The following KDR variants were observed in gnomAD, a reference collection of about 807,000 sequenced individuals.
KDR encodes the protein vascular endothelial growth factor receptor 2.
Under a neutral mutation model 160.9 loss-of-function variants are expected in KDR, and 43 were observed. That is an observed-to-expected ratio of 0.27 (90% CI 0.21 to 0.34). KDR has a LOEUF of 0.34. KDR is among the 10% of genes least tolerant of loss of function. The pLI, the probability that KDR is intolerant of heterozygous loss-of-function variation, is 1.00. For missense variants in KDR, 1,469 were observed against 1,666.4 expected, an observed-to-expected ratio of 0.88 and a Z score of 2.06; for synonymous variants, 617 against 600.1, an observed-to-expected ratio of 1.03 and a Z score of -0.41.
At position 55,125,420 on chromosome 4, in the gene KDR, C is replaced by A. The variant is rs1721008106; in HGVS notation, c.-127G>T. 7.9e-7 allele frequency: 1 copy of A among 1,259,308 alleles called. No individual in the cohort carries two copies. Among genetic ancestry groups the A allele is most frequent in the Admixed American group, 2.0e-5 (1 of 50,528 alleles). 78.0% of individuals were successfully genotyped at this position (1,259,308 alleles called of 1,614,324 possible). On this transcript the variant is annotated 5_prime_UTR_variant, in exon 1 of 30. Coordinates refer to ENST00000263923, the MANE Select transcript of KDR (RefSeq NM_002253.4). ...CCGCAGCGCAGGACAGTTGAGCGCA[C>A]AGGGCTAGGGAGCCCGGGCGCCGAC...
rs752555245 is a variant in KDR at position 55,098,687 on chromosome 4, A to T, written c.2373+10T>A. 54 of 1,601,618 alleles carry T rather than the reference A, an allele frequency of 3.4e-5. No homozygotes were observed. Among genetic ancestry groups the T allele is most frequent in the South Asian group, 2.8e-4 (25 of 90,800 alleles). On this transcript the variant is annotated intron_variant, in intron 16 of 29. Coordinates refer to ENST00000263923, the MANE Select transcript of KDR (RefSeq NM_002253.4). The stretch of plus-strand genomic sequence containing the variant: ...AATGTGCATGGGCAGAAGGGAAATT[A>T]TTTTTTTACCCGCTTAACGGTCCGT...
intron 7 of KDR, 86 bp from the exon 8 acceptor site, chr4:55,110,854 A>T (rs573857900): frequency 9.0e-7 from 1 of 1,105,500 alleles, no homozygotes; most frequent in Non-Finnish European, 1.4e-6. Context: ...AACGTCAAAG[A>T]CCTTGAGGGT....
rs1187053033 is a variant in KDR, at chr4:55,125,288, C to G, written c.6G>C (p.Gln2His). The G allele has an allele frequency of 6.2e-7, 1 of 1,612,172 alleles. No homozygotes were observed. The highest frequency in any genetic ancestry group is 2.2e-5 in the East Asian group (1 of 44,830). The change falls in exon 1 of 30, where the codon CAG (glutamine) becomes CAC (histidine). Residue 2 changes from glutamine (Q) to histidine (H), a missense_variant. By Grantham distance (24) the Gln-to-His change is conservative (BLOSUM62 0). Coordinates refer to ENST00000263923, the MANE Select transcript of KDR (RefSeq NM_002253.4). M[Q>H]SKVLLAVALW... ...GGGCGACGGCCAGCAGCACCTTGCT[C>G]TGCATCCTGCACCTCGAGCCGGGCG...
Position 55,098,203 on chromosome 4 carries a change from C to T in KDR, c.2443G>A (p.Glu815Lys). 4.3e-6 allele frequency: 7 copies of T among 1,613,926 alleles called. No homozygotes were observed. Among genetic ancestry groups the T allele is most frequent in the Non-Finnish European group, 5.9e-6 (7 of 1,179,844 alleles). Residue 815 changes from glutamate (E) to lysine (K), a missense_variant, in exon 17 of 30, where the codon GAA becomes AAA. This residue lies in a region of KDR where 118 missense variants were observed against 110.8 expected (regional missense o/e 1.06). Transcript: ENST00000263923. ...VMDPDELPLD[E>K]HCERLPYDAS... ...TCATAAGGCAGTCGTTCACAATGTT[C>T]ATCCAATGGGAGTTCATCTGGATCC...
chr4:55,110,291 C>A, intron 9 of KDR, 112 bp downstream of exon 9: 2 of 1,140,404 alleles, frequency 1.8e-6, no homozygotes, highest in Non-Finnish European at 2.6e-6. Flanking sequence ...TACGCAGGCC[C>A]AGCCATGATA....
At chr4:55,087,569 TCAC>T (rs1297078474) in intron 27 of KDR, 35 bp downstream of exon 27, 2 of 1,604,494 alleles carry the variant, frequency 1.2e-6, no homozygotes, top group South Asian at 2.2e-5. Flanking sequence ...GGCCTTGAAG[TCAC>T]CCTCCCCCGG....
At chr4:55,084,190 C>T (rs1428767197) in intron 27 of KDR, among the ~76,000 whole-genome samples, 1 of 152,156 alleles carries the variant, frequency 6.6e-6, no homozygotes, top group East Asian at 1.9e-4. Flanking sequence ...ATTTTGAGGG[C>T]AATGAAGAGC....
Position 55,097,643 on chromosome 4 carries a change from C to A in KDR, c.2614+19G>T, listed in dbSNP as rs1209296644. ...TAGATAAAACAGAAAGATAGATCAC[C>A]ACATAATTTTGCTTTTACCTTTCAA... On this transcript the variant is annotated intron_variant, in intron 18 of 29. Transcript: ENST00000263923. 5 of 1,450,194 alleles carry A rather than the reference C, an allele frequency of 3.4e-6. No homozygotes were observed. The South Asian group carries it at 5.7e-5, about 17-fold the overall frequency. The allele number at this position is 1,450,194 out of a possible 1,614,324, so 89.8% of individuals were successfully genotyped here. A position where few individuals can be genotyped will look rare whatever the true frequency, so the allele number is the denominator to read the frequency against.
At chr4:55,101,796 G>T in intron 15 of KDR, 101 bp downstream of exon 15, 1 of 1,024,806 alleles carries the variant, frequency 9.8e-7, no homozygotes, top group Non-Finnish European at 1.5e-6. Flanking sequence ...ATGGCTTCCA[G>T]CTCCATCCAT....
chr4:55,098,899 T>C, intron 15 of KDR, 96 bp from the exon 16 acceptor site: 1 of 872,808 alleles, frequency 1.1e-6, no homozygotes, highest in Non-Finnish European at 1.9e-6. Flanking sequence ...AATCCCAAGC[T>C]TACCAACTTG....
chr4:55,100,387 G>A (rs1473318738), intron 15 of KDR, among the ~76,000 whole-genome samples: 1 of 152,128 alleles, frequency 6.6e-6, no homozygotes, highest in Non-Finnish European at 1.5e-5. Flanking sequence ...TTTTCTATGT[G>A]TTTGTATATT....
Position 55,090,053 on chromosome 4 carries a change from C to T in KDR, c.3095G>A (p.Arg1032Gln), listed in dbSNP as rs1190050670. Residue 1032 changes from arginine (R) to glutamine (Q), a missense_variant, in exon 23 of 30, where the codon CGA (arginine) becomes CAA (glutamine). Arg to Gln is a conservative substitution (Grantham distance 43). Around this residue, in one of 7 missense-constraint regions of KDR, gnomAD observed 8 missense variants for 41.7 expected, o/e 0.19. Transcript: ENST00000263923. ...RKCIHRDLAA[R>Q]NILLSEKNVV... Reference sequence around the variant, plus strand: ...GTTCTTCTCCGATAAGAGGATATTTCGTGCCGCCAGGTCCCTGTGGATACA... The same window carrying T: ...GTTCTTCTCCGATAAGAGGATATTTTGTGCCGCCAGGTCCCTGTGGATACA... 6.2e-7 allele frequency: 1 copy of T among 1,614,044 alleles called. No individual in the cohort carries two copies. Among genetic ancestry groups the T allele is most frequent in the Non-Finnish European group, 8.5e-7 (1 of 1,179,944 alleles).
intron 1 of KDR, among the ~76,000 whole-genome samples, chr4:55,121,837 T>C (rs780469527): frequency 6.6e-6 from 1 of 152,198 alleles, no homozygotes; most frequent in Non-Finnish European, 1.5e-5. Context: ...CTTTTATGTA[T>C]GTGTGGAATT....
rs1317482906 is a variant in KDR at position 55,098,789 on chromosome 4, T to C, written c.2281A>G (p.Thr761Ala). ...FFIIEGAQEKTNLEIIILVGT... is the reference protein window; with the variant it reads ...FFIIEGAQEKANLEIIILVGT... Reference sequence around the variant, plus strand: ...ACTAGAATAATGATTTCCAAGTTCGTCTTTTCCTGGGCACCTGGAAAGACA... The same window carrying C: ...ACTAGAATAATGATTTCCAAGTTCGCCTTTTCCTGGGCACCTGGAAAGACA... The change falls in exon 16 of 30, where the codon ACG (threonine) becomes GCG (alanine). Residue 761 changes from threonine to alanine, a missense_variant. Physicochemically the swap from Thr to Ala is moderately conservative, Grantham distance 58 (BLOSUM62 0). This residue lies in a region of KDR where 118 missense variants were observed against 110.8 expected (regional missense o/e 1.06). Transcript: ENST00000263923. 6.2e-7 allele frequency: 1 copy of C among 1,612,598 alleles called. No individual in the cohort carries two copies. The highest frequency in any genetic ancestry group is 1.7e-5 in the Admixed American group (1 of 59,950).
intron 1 of KDR, among the ~76,000 whole-genome samples, chr4:55,121,452 C>G (rs1235326493): frequency 6.6e-6 from 1 of 152,146 alleles, no homozygotes. Flanking sequence ...TCCTGCATTG[C>G]CAACTTCAAG....
At chr4:55,122,138 G>A (rs935965559) in intron 1 of KDR, among the ~76,000 whole-genome samples, 2 of 152,072 alleles carry the variant, frequency 1.3e-5, no homozygotes, top group Non-Finnish European at 1.5e-5. Flanking sequence ...TCAGACATAA[G>A]AAACTTGTCT....
Position 55,125,357 on chromosome 4 carries a change from T to A in KDR, c.-64A>T, listed in dbSNP as rs1387690829. 1 of 1,543,818 alleles carries A rather than the reference T, an allele frequency of 6.5e-7. No homozygotes were observed. Among genetic ancestry groups the A allele is most frequent in the African/African-American group, 1.4e-5 (1 of 73,532 alleles). On this transcript the variant is annotated 5_prime_UTR_variant, in exon 1 of 30. Coordinates refer to ENST00000263923, the MANE Select transcript of KDR (RefSeq NM_002253.4). ...AGCCGGTTCTTTCTCCCAGCGCCTG[T>A]CTAGAGAAGGAGGCGCGGAGGTGGA...
rs1387804198 is a variant in KDR, at chr4:55,087,619, G to A, written c.3650C>T (p.Thr1217Ile). The A allele has an allele frequency of 1.9e-6, 3 of 1,614,048 alleles. No homozygotes were observed. Among genetic ancestry groups the A allele is most frequent in the African/African-American group, 1.3e-5 (1 of 74,932 alleles). ...CCATATACAGTACCTGATTCCTGCT[G>A]TGTTGTCATAATGGAATTTGGGGTC... Reference protein sequence around the residue: ...VCDPKFHYDNTAGISQYLQNS... With the variant: ...VCDPKFHYDNIAGISQYLQNS... Residue 1217 changes from threonine to isoleucine, a missense_variant, in exon 27 of 30, where the codon ACA becomes ATA. Thr to Ile is a moderately conservative substitution (Grantham distance 89). Transcript: ENST00000263923.
In KDR at chr4:55,118,606, T is replaced by C. The variant is rs768174958; in HGVS notation, c.356A>G (p.Gln119Arg). The C allele has an allele frequency of 6.2e-7, 1 of 1,612,304 alleles. No individual in the cohort carries two copies. The highest frequency in any genetic ancestry group is 8.5e-7 in the Non-Finnish European group (1 of 1,178,274). Residue 119 changes from glutamine to arginine, a missense_variant and splice_region_variant, in exon 3 of 30, where the codon CAA becomes CGA. By Grantham distance (43) the Gln-to-Arg change is conservative (BLOSUM62 1). Coordinates refer to ENST00000263923, the MANE Select transcript of KDR (RefSeq NM_002253.4). ...DLASVIYVYV[Q>R]DYRSPFIASV... Reference sequence around the variant, plus strand: ...ATGAATTTTATTTCACCACTTACCTTGAACATAGACATAAATGACCGAGGC... The same window carrying C: ...ATGAATTTTATTTCACCACTTACCTCGAACATAGACATAAATGACCGAGGC...
Sources: gnomAD v4.1 joint callset for allele counts (sites outside exome capture counted in the v4.1 genomes callset) on GRCh38, gnomAD v4.1.1 for gene constraint, gnomAD v4.1.1 regional missense constraint, MANE v1.5 for transcripts, NCBI Gene and HGNC (gene_info 2026-07-23, HGNC 2026-07-21) for gene names.